Variants in PCNT observed in about 807,000 individuals in gnomAD.
PCNT encodes kendrin.
A neutral mutation model predicts 380.4 loss-of-function variants in PCNT; 319 were observed. The observed-to-expected ratio is 0.84, with a 90% CI of 0.77 to 0.92. The LOEUF (loss-of-function observed/expected upper bound fraction) is 0.92, where lower values mean the gene tolerates loss of function less well. Ranked by LOEUF, PCNT falls within the 40% of genes least tolerant of loss-of-function variation. The pLI is 0.00. For synonymous variants in PCNT, 1,845 were observed against 1,735.2 expected (o/e 1.06, Z -1.57); for missense variants, 4,400 against 4,255.3 (o/e 1.03, Z -0.95).
intron 2 of PCNT, among the ~76,000 whole-genome samples, chr21:46,330,257 A>G (rs531949788): frequency 1.7e-4 from 26 of 152,018 alleles, no homozygotes; most frequent in Admixed American, 7.9e-4. Flanking sequence ...ACCTGGGACT[A>G]CAGGCATGTG....
chr21:46,442,491 T>C lies in PCNT; in HGVS notation c.9624-6T>C. On this transcript the variant is annotated splice_region_variant and splice_polypyrimidine_tract_variant and intron_variant, in intron 43 of 46. Coordinates refer to ENST00000359568, the MANE Select transcript of PCNT (RefSeq NM_006031.6). ...TTTAAGTGTGTCTTGTCTCTTTTTT[T>C]TGTAGATTACGTTTTTTGGTTAAGA... 2 of 1,589,044 alleles carry C rather than the reference T, an allele frequency of 1.3e-6. No individual in the cohort carries two copies. The highest frequency in any genetic ancestry group is 1.3e-5 in the African/African-American group (1 of 74,532).
intron 2 of PCNT, among the ~76,000 whole-genome samples, chr21:46,329,321 T>A (rs1295013521): frequency 2.6e-5 from 4 of 152,218 alleles, no homozygotes. Flanking sequence ...GAAGATGATC[T>A]GATGAAAAGC....
At chr21:46,372,286 G>A (rs1428513301) in intron 15 of PCNT, among the ~76,000 whole-genome samples, 2 of 144,970 alleles carry the variant, frequency 1.4e-5, no homozygotes, top group Non-Finnish European at 2.9e-5. Flanking sequence ...CATGCACACA[G>A]CACATACACA....
intron 45 of PCNT, 36 bp downstream of exon 45, chr21:46,443,984 G>A (rs2053682695): frequency 1.2e-6 from 2 of 1,603,716 alleles, no homozygotes. Context: ...TCTCCTGCCA[G>A]GGCTCTCCCT....
intron 2 of PCNT, among the ~76,000 whole-genome samples, chr21:46,330,299 T>G (rs886379055): frequency 6.6e-6 from 1 of 152,034 alleles, no homozygotes; most frequent in Non-Finnish European, 1.5e-5. Flanking sequence ...AAAAAAAATT[T>G]GTAGAGACAG....
At chr21:46,412,697 G>T in intron 28 of PCNT, 140 bp from the exon 29 acceptor site, 1 of 898,646 alleles carries the variant, frequency 1.1e-6, no homozygotes, top group Non-Finnish European at 1.8e-6. Flanking sequence ...GGACCAAGGT[G>T]CTCGGCTGTG....
Position 46,431,733 on chromosome 21 carries a change from C to G in PCNT, c.8269C>G (p.Leu2757Val). The G allele has an allele frequency of 6.2e-7, 1 of 1,612,378 alleles. No homozygotes were observed. Among genetic ancestry groups the G allele is most frequent in the Non-Finnish European group, 8.5e-7 (1 of 1,179,792 alleles). ...GGCTGAGAAGAGCCGCACCCTGGAG[C>G]TGTCAGAGGCCTTGCGGCACGAGCG... ...LAAEKSRTLE[L>V]SEALRHERLL... Residue 2757 changes from leucine to valine, a missense_variant, in exon 38 of 47, where the codon CTG becomes GTG. Leu to Val is a conservative substitution (Grantham distance 32). Transcript: ENST00000359568.
rs543029030 is a variant in PCNT at position 46,408,084 on chromosome 21, C to T, written c.5116-3105C>T. On this transcript the variant is annotated intron_variant, in intron 27 of 46. Coordinates refer to ENST00000359568, the MANE Select transcript of PCNT (RefSeq NM_006031.6). ...TAAATTTTGAAAAAAGGATTTAGTC[C>T]TGTAATAATCACCACAATCTCATCA... 8.5e-5 allele frequency among the ~76,000 whole-genome samples: 13 copies of T among 152,128 alleles called. No homozygotes were observed. The South Asian group carries it at 2.1e-3, about 24-fold the overall frequency.
In PCNT at chr21:46,366,867, C is replaced by T. The variant is rs762597308; in HGVS notation, c.2893C>T (p.Leu965=). The change falls in exon 15 of 47, where the codon CTG becomes TTG. Residue 965 remains leucine, a synonymous_variant. Coordinates refer to ENST00000359568, the MANE Select transcript of PCNT (RefSeq NM_006031.6). ...CCTCGGCGCTCTGGAGACCAGACAT[C>T]TGTCCAGCCTTGATTCTTTGGAATC... ...ADLGALETRH[L]SSLDSLESCY... The T allele has an allele frequency of 1.2e-5, 19 of 1,614,046 alleles. No individual in the cohort carries two copies. The highest frequency in any genetic ancestry group is 1.5e-5 in the Non-Finnish European group (18 of 1,180,052).
At chr21:46,418,153 C>A in intron 30 of PCNT, 51 bp from the exon 31 acceptor site, 1 of 1,152,472 alleles carries the variant, frequency 8.7e-7, no homozygotes, top group Non-Finnish European at 1.3e-6. Flanking sequence ...AAAGTCAGCG[C>A]TATGATGTAA....
chr21:46,379,729 C>G (rs758075528), intron 15 of PCNT, among the ~76,000 whole-genome samples: 2 of 152,134 alleles, frequency 1.3e-5, no homozygotes, highest in Non-Finnish European at 2.9e-5. Context: ...GAACCCCTCT[C>G]TAGTGAATTT....
rs143753484 is a variant in PCNT, at chr21:46,368,855, G to A, written c.3165+1716G>A. Among the ~76,000 whole-genome samples the A allele has an allele frequency of 1.6e-3, 237 of 152,328 alleles. 2 individuals are homozygous for A. The highest frequency in any genetic ancestry group is 3.7e-4 in the Non-Finnish European group (25 of 68,028). ...GAAGTACACGTTCCAAACTATAAAC[G>A]AGGGAATTGCCAGCTTGGATAAGGT... On this transcript the variant is annotated intron_variant, in intron 15 of 46. Transcript: ENST00000359568.
At position 46,380,178 on chromosome 21, in the gene PCNT, T is replaced by TTG. The variant is rs1569224734; in HGVS notation, c.3166-1515_3166-1514insGT. Among the ~76,000 whole-genome samples, 278 of 70,282 alleles carry TTG rather than the reference T, an allele frequency of 4.0e-3. 1 individual carries two copies. Among genetic ancestry groups the TTG allele is most frequent in the Middle Eastern group, 0.013 (1 of 76 alleles). 46.1% of individuals were successfully genotyped at this position (70,282 alleles called of 152,430 possible). On this transcript the variant is annotated intron_variant, in intron 15 of 46. Transcript: ENST00000359568. ...TTTTTTTTTTTTTTTTTTTTTTTTT[T>TTG]TTTTTGAGACAGAGTCTCTGTCGCC...
intron 32 of PCNT, among the ~76,000 whole-genome samples, chr21:46,423,232 TCACTCTGTCACC>T (rs928192671): frequency 6.6e-6 from 1 of 150,622 alleles, no homozygotes; most frequent in African/African-American, 2.4e-5. Flanking sequence ...AGACAGAGTC[TCACTCTGTCACC>T]CAGCAGTGCA....
At chr21:46,381,240 GTGTGTA>G (rs2085529208) in intron 15 of PCNT, among the ~76,000 whole-genome samples, 1 of 106,392 alleles carries the variant, frequency 9.4e-6, no homozygotes, top group African/African-American at 3.2e-5. Flanking sequence ...GTGTGTGTGT[GTGTGTA>G]TAGAATTCAT....
chr21:46,391,331 A>C lies in PCNT; in HGVS notation c.4171A>C (p.Ser1391Arg). The change falls in exon 21 of 47, where the codon AGT becomes CGT. Residue 1391 changes from serine to arginine, a missense_variant. Transcript: ENST00000359568. ...GAGGGAGGAGTGCACCCGTCTGTGG[A>C]GTCGGGGGGAGGCCACAGCCACGGA... is the stretch of plus-strand genomic sequence containing the variant. Reference protein sequence around the residue: ...ALREECTRLWSRGEATATDAE... With the variant: ...ALREECTRLWRRGEATATDAE... The C allele has an allele frequency of 6.4e-7, 1 of 1,557,524 alleles. No homozygotes were observed. Among genetic ancestry groups the C allele is most frequent in the Non-Finnish European group, 8.7e-7 (1 of 1,150,658 alleles).
chr21:46,375,862 C>T (rs2085317658), intron 15 of PCNT, among the ~76,000 whole-genome samples: 1 of 152,222 alleles, frequency 6.6e-6, no homozygotes, highest in Admixed American at 6.5e-5. Context: ...GCAGGCAGGA[C>T]AGGGCCAAGC....
rs141309024 is a variant in PCNT, at chr21:46,402,837, G to A, written c.5115+354G>A. ...TGCTCTTCTCAAGGAGGTGACTTGAGTAAGTGGCTACTCACTGTTTCTCTT... is the reference window on the plus strand; with the variant it reads ...TGCTCTTCTCAAGGAGGTGACTTGAATAAGTGGCTACTCACTGTTTCTCTT... On this transcript the variant is annotated intron_variant, in intron 27 of 46. Transcript: ENST00000359568. Among the ~76,000 whole-genome samples the A allele has an allele frequency of 3.0e-3, 454 of 152,292 alleles. 3 individuals carry two copies. The highest frequency in any genetic ancestry group is 5.1e-3 in the Non-Finnish European group (347 of 68,022).
intron 2 of PCNT, among the ~76,000 whole-genome samples, chr21:46,329,471 T>C (rs562773852): frequency 6.6e-6 from 1 of 152,388 alleles, no homozygotes; most frequent in South Asian, 2.1e-4. Flanking sequence ...GTTACTTATA[T>C]AACATTTTTT....
Sources: allele counts gnomAD v4.1 joint callset (sites outside exome capture counted in the v4.1 genomes callset), GRCh38; gene constraint gnomAD v4.1.1; transcripts MANE v1.5; gene names NCBI Gene and HGNC (gene_info 2026-07-23, HGNC 2026-07-21).